The following CACNA1A variants were observed in gnomAD, a reference collection of about 807,000 sequenced individuals.
The protein encoded by CACNA1A is calcium voltage-gated channel subunit alpha1 A, also known as voltage-dependent P/Q-type calcium channel subunit alpha-1A.
In CACNA1A, 57 loss-of-function variants were observed where a neutral mutation model predicts 262.4. The observed-to-expected ratio is 0.22, with a 90% CI of 0.18 to 0.27. The LOEUF (loss-of-function observed/expected upper bound fraction) is 0.27. Among genes scored for constraint, CACNA1A ranks in the 10% least tolerant of loss-of-function variants. The pLI, the probability that CACNA1A is intolerant of heterozygous loss-of-function variation, is 1.00. For missense variants in CACNA1A, 2,526 were observed against 3,562.8 expected, an observed-to-expected ratio of 0.71 and a Z score of 7.41; for synonymous variants, 1,431 against 1,419.3, an observed-to-expected ratio of 1.01 and a Z score of -0.18.
At chr19:13,399,826 T>C (rs1220943815) in intron 3 of CACNA1A, among the ~76,000 whole-genome samples, 2 of 152,096 alleles carry the variant, frequency 1.3e-5, no homozygotes, top group African/African-American at 4.8e-5. Context: ...CTCCGGTCAA[T>C]AGGAAAGGGC....
rs576947017 is a variant in CACNA1A, at chr19:13,381,068, G to A, written c.540-9289C>T. Among the ~76,000 whole-genome samples the A allele has an allele frequency of 2.0e-5, 3 of 152,204 alleles. No individual in the cohort carries two copies. In the South Asian group the frequency reaches 6.2e-4, roughly 32 times the overall value. The stretch of plus-strand genomic sequence containing the variant: ...TGGTATTTGAGGCATGAGCCACTAT[G>A]CCCAGCCTGAAGCATTCTAAGAAGA... On this transcript the variant is annotated intron_variant, in intron 3 of 46. Transcript: ENST00000360228.
intron 11 of CACNA1A, among the ~76,000 whole-genome samples, chr19:13,314,602 G>C (rs941786848): frequency 6.6e-6 from 1 of 152,132 alleles, no homozygotes; most frequent in Admixed American, 6.6e-5. Context: ...GCCAGACAGG[G>C]AAACCTGCCA....
chr19:13,422,146 A>T (rs1374361000), intron 3 of CACNA1A, among the ~76,000 whole-genome samples: 1 of 151,862 alleles, frequency 6.6e-6, no homozygotes, highest in Non-Finnish European at 1.5e-5. Context: ...CATAGTGAGA[A>T]CCCATCTTTA....
rs1477940360 is a variant in CACNA1A, at chr19:13,207,275, G to A, written c.*38C>T. On this transcript the variant is annotated 3_prime_UTR_variant, in exon 47 of 47. Coordinates refer to ENST00000360228, the MANE Select transcript of CACNA1A (RefSeq NM_001127222.2). This position sits in a 1 kb window ranked among gnomAD's most constrained non-coding sequence, Gnocchi z 5.7. ...TCCTCGGGTGGGGTGTGTGCGTGGG[G>A]TGCGTGGGGGGCCGGGCGGGCGCCA... 4.0e-6 allele frequency: 6 copies of A among 1,516,238 alleles called. No individual in the cohort carries two copies. The highest frequency in any genetic ancestry group is 5.3e-6 in the Non-Finnish European group (6 of 1,136,952). The allele number at this position is 1,516,238 out of a possible 1,614,324, so 93.9% of individuals were successfully genotyped here.
At chr19:13,287,112 G>A (rs374424642) in intron 19 of CACNA1A, 146 bp from the exon 20 acceptor site, 39 of 675,028 alleles carry the variant, frequency 5.8e-5, no homozygotes, top group East Asian at 2.6e-4. Context: ...AGCACTTTGG[G>A]AAGCGGAGGC....
At chr19:13,227,653 C>A in intron 36 of CACNA1A, 126 bp from the exon 37 acceptor site, 8 of 371,198 alleles carry the variant, frequency 2.2e-5, no homozygotes, top group Non-Finnish European at 3.9e-5. Flanking sequence ...CCACACGAGC[C>A]GAAAAAATAG....
At chr19:13,379,696 C>A (rs1015709219) in intron 3 of CACNA1A, among the ~76,000 whole-genome samples, 1 of 152,054 alleles carries the variant, frequency 6.6e-6, no homozygotes, top group Non-Finnish European at 1.5e-5. Context: ...GAGGCCAAGG[C>A]TGGCGGATCA....
At chr19:13,254,357 CTTTT>C (rs1341034261) in intron 29 of CACNA1A, among the ~76,000 whole-genome samples, 1 of 151,390 alleles carries the variant, frequency 6.6e-6, no homozygotes, top group Admixed American at 6.6e-5. Context: ...TCATTTCTTT[CTTTT>C]TCTTTTCTTT....
Position 13,207,377 on chromosome 19 carries a change from CG to C in CACNA1A, c.7456del (p.Arg2486AlafsTer122). The C allele has an allele frequency of 6.5e-7, 1 of 1,546,308 alleles. No individual in the cohort carries two copies. The highest frequency in any genetic ancestry group is 1.2e-5 in the South Asian group (1 of 85,636). On this transcript the variant is annotated frameshift_variant, in exon 47 of 47. Transcript: ENST00000360228. LOFTEE classifies it high-confidence loss of function. This position sits in a 1 kb window ranked among gnomAD's most constrained non-coding sequence, Gnocchi z 5.7. ...YYPAHGLARP[R>X]GPGSRKGLHE... is the part of the protein sequence containing the mutation. ...CAGGCCCTTCCTGGAGCCCGGCCCG[CG>C]GGGCCTGGCCAGTCCGTGCGCCGGG...
chr19:13,503,113 A>G (rs1230886847), intron 1 of CACNA1A, among the ~76,000 whole-genome samples: 1 of 152,230 alleles, frequency 6.6e-6, no homozygotes, highest in Non-Finnish European at 1.5e-5. Flanking sequence ...AACAGAAATG[A>G]CACAAATGCC....
intron 1 of CACNA1A, among the ~76,000 whole-genome samples, chr19:13,464,618 G>C (rs1012613272): frequency 2.7e-5 from 4 of 146,468 alleles, no homozygotes; most frequent in Non-Finnish European, 4.4e-5. Context: ...GTGCTATCTC[G>C]GCTCACTGCA....
chr19:13,319,231 A>AT (rs2058195700), intron 10 of CACNA1A, among the ~76,000 whole-genome samples: 1 of 152,126 alleles, frequency 6.6e-6, no homozygotes, highest in African/African-American at 2.4e-5. Flanking sequence ...AGTTGCATTC[A>AT]TTTTTAAATG....
In CACNA1A at chr19:13,406,509, A is replaced by ATATATGTATG. The variant is rs1487889235; in HGVS notation, c.540-34731_540-34730insCATACATATA. Among the ~76,000 whole-genome samples the ATATATGTATG allele has an allele frequency of 1.3e-3, 143 of 109,656 alleles. 4 individuals carry two copies. The highest frequency in any genetic ancestry group is 7.3e-3 in the East Asian group (17 of 2,336). The allele number at this position is 109,656 out of a possible 152,430, so 71.9% of individuals were successfully genotyped here. On this transcript the variant is annotated intron_variant, in intron 3 of 46. Transcript: ENST00000360228. Reference sequence around the variant, plus strand: ...TATATATATATATATATATATATATATATGAAGGGAATCTGATCCCTAACA... The same window carrying ATATATGTATG: ...TATATATATATATATATATATATATATATATGTATGTATGAAGGGAATCTGATCCCTAACA...
intron 11 of CACNA1A, chr19:13,316,717 A>C (rs1235682533): frequency 6.2e-6 from 1 of 160,276 alleles, no homozygotes; most frequent in Admixed American, 6.4e-5. Flanking sequence ...TCTCTTAACC[A>C]TAAGTTATGA....
At chr19:13,295,201 C>T (rs995694804) in intron 19 of CACNA1A, among the ~76,000 whole-genome samples, 1 of 152,138 alleles carries the variant, frequency 6.6e-6, no homozygotes, top group Admixed American at 6.6e-5. Context: ...AATGCATAAA[C>T]CCATAGGAGA....
At position 13,259,689 on chromosome 19, in the gene CACNA1A, G is replaced by A. The variant is rs1173445536; in HGVS notation, c.4263C>T (p.Leu1421=). The A allele has an allele frequency of 3.7e-6, 6 of 1,611,446 alleles. No individual in the cohort carries two copies. The highest frequency in any genetic ancestry group is 5.1e-6 in the Non-Finnish European group (6 of 1,178,846). Residue 1421 remains leucine (L), a synonymous_variant, in exon 27 of 47, where the codon CTC becomes CTT. Transcript: ENST00000360228. The stretch of plus-strand genomic sequence containing the variant: ...CCTTCACCTCATTCTTCTCGTAGAG[G>A]AGGTATTTGCCTCTGCCACAGAGAG... ...EFEKDCRGKY[L]LYEKNEVKAR... is the part of the protein sequence containing the mutation.
intron 38 of CACNA1A, among the ~76,000 whole-genome samples, chr19:13,220,791 A>G (rs906697494): frequency 1.3e-5 from 2 of 152,040 alleles, no homozygotes; most frequent in Admixed American, 1.3e-4. Flanking sequence ...ACACCTGGCT[A>G]ATTTTAAAAT....
At chr19:13,243,900 T>G (rs2056154674) in intron 31 of CACNA1A, 1 of 152,390 alleles carries the variant, frequency 6.6e-6, no homozygotes, top group South Asian at 2.1e-4. Context: ...AACACCCTCT[T>G]CCTCAGGCCC....
Position 13,286,483 on chromosome 19 carries a change from G to T in CACNA1A, c.3553+20C>A. On this transcript the variant is annotated intron_variant, in intron 20 of 46. Transcript: ENST00000360228. ...GACGCCAGGTCCCCTGCCCAGTGAT[G>T]TGAGAGCAGAGGGTCTCACCTTGTA... 2 of 1,245,846 alleles carry T rather than the reference G, an allele frequency of 1.6e-6. No homozygotes were observed. The highest frequency in any genetic ancestry group is 2.2e-6 in the Non-Finnish European group (2 of 899,324). 77.2% of individuals were successfully genotyped at this position (1,245,846 alleles called of 1,614,324 possible).
Sources: gnomAD v4.1 joint callset for allele counts (sites outside exome capture counted in the v4.1 genomes callset) on GRCh38, gnomAD v4.1.1 for gene constraint, Gnocchi (gnomAD v3.1) non-coding constraint, MANE v1.5 for transcripts, NCBI Gene and HGNC (gene_info 2026-07-23, HGNC 2026-07-21) for gene names.